Variants in STON2 observed in about 807,000 individuals in gnomAD.
The protein encoded by STON2 is stonin 2, also known as stonin-2.
A neutral mutation model predicts 65.7 loss-of-function variants in STON2; 29 were observed. That is an observed-to-expected ratio of 0.44 (90% CI 0.33 to 0.60). STON2 has a LOEUF of 0.60. Ranked by LOEUF, STON2 falls within the 20% of genes least tolerant of loss-of-function variation. STON2 has a pLI of 0.03. For synonymous variants in STON2, 404 were observed against 414.2 expected (o/e 0.98, Z 0.30); for missense variants, 1,054 against 1,118.1 (o/e 0.94, Z 0.82).
intron 3 of STON2, among the ~76,000 whole-genome samples, chr14:81,391,702 G>A (rs1397501092): frequency 4.6e-5 from 7 of 152,274 alleles, no homozygotes; most frequent in South Asian, 2.1e-4. Context: ...GCTGTGCACC[G>A]TCCCCTATGC....
At chr14:81,298,890 T>C (rs1895866787) in intron 5 of STON2, among the ~76,000 whole-genome samples, 1 of 152,246 alleles carries the variant, frequency 6.6e-6, no homozygotes, top group Non-Finnish European at 1.5e-5. Flanking sequence ...TAATTAATTA[T>C]ATAGAATTTT....
intron 3 of STON2, among the ~76,000 whole-genome samples, chr14:81,371,707 G>GA (rs1899007757): frequency 7.6e-6 from 1 of 131,750 alleles, no homozygotes; most frequent in African/African-American, 3.0e-5. Context: ...GAAAAGAAAA[G>GA]TAAGGTCCCA....
chr14:81,379,507 TAC>T (rs1899413283), intron 3 of STON2, among the ~76,000 whole-genome samples: 2 of 152,222 alleles, frequency 1.3e-5, no homozygotes, highest in Non-Finnish European at 1.5e-5. Context: ...TTTATAAATT[TAC>T]TTCAGTGTCA....
At chr14:81,352,618 T>G (rs895112229) in intron 4 of STON2, among the ~76,000 whole-genome samples, 1 of 152,202 alleles carries the variant, frequency 6.6e-6, no homozygotes, top group Non-Finnish European at 1.5e-5. Context: ...CAAGCCTGGA[T>G]GTCATTCTTA....
intron 5 of STON2, among the ~76,000 whole-genome samples, chr14:81,308,044 CTT>C (rs963517869): frequency 2.6e-5 from 4 of 152,068 alleles, no homozygotes; most frequent in Non-Finnish European, 1.5e-5. Flanking sequence ...GCTGTTATAT[CTT>C]TATCTTTTAT....
At chr14:81,311,285 A>G (rs1896416447) in intron 5 of STON2, among the ~76,000 whole-genome samples, 1 of 152,122 alleles carries the variant, frequency 6.6e-6, no homozygotes. Context: ...TTCCTGCCTA[A>G]TCATCTCTGC....
chr14:81,290,424 T>C (rs1895510080), intron 5 of STON2, among the ~76,000 whole-genome samples: 1 of 152,204 alleles, frequency 6.6e-6, no homozygotes, highest in African/African-American at 2.4e-5. Context: ...CTGAGATCTC[T>C]TGCATGTTAT....
intron 4 of STON2, among the ~76,000 whole-genome samples, chr14:81,340,363 T>G (rs1169153859): frequency 6.6e-6 from 1 of 152,148 alleles, no homozygotes; most frequent in Non-Finnish European, 1.5e-5. Flanking sequence ...AGTGGATACG[T>G]TCATTATCTT....
upstream of STON2, among the ~76,000 whole-genome samples, chr14:81,402,970 C>T (rs1900678826): frequency 1.3e-5 from 2 of 152,122 alleles, no homozygotes; most frequent in African/African-American, 4.8e-5. Flanking sequence ...GCATGCTATA[C>T]CCTCAGCATT....
At chr14:81,276,696 G>A (rs1894833629) in intron 6 of STON2, among the ~76,000 whole-genome samples, 1 of 152,206 alleles carries the variant, frequency 6.6e-6, no homozygotes, top group South Asian at 2.1e-4. Flanking sequence ...GTGTGATAAT[G>A]AGAGGGTGAA....
chr14:81,301,580 A>T (rs963302774), intron 5 of STON2, among the ~76,000 whole-genome samples: 1 of 152,218 alleles, frequency 6.6e-6, no homozygotes, highest in African/African-American at 2.4e-5. Context: ...CTGACATTTC[A>T]GTTGGGTGAT....
intron 3 of STON2, chr14:81,395,678 A>G: frequency 1.8e-6 from 1 of 561,992 alleles, no homozygotes; most frequent in East Asian, 2.9e-5. Flanking sequence ...AGGACTAGAA[A>G]TGTCCTAGAA....
At chr14:81,414,951 T>C (rs749269091) in intron 2 of STON2, among the ~76,000 whole-genome samples, 7 of 152,152 alleles carry the variant, frequency 4.6e-5, no homozygotes, top group Non-Finnish European at 8.8e-5. Flanking sequence ...GATCTGCCCA[T>C]GGTCGTCCAT....
chr14:81,330,130 G>A (rs893250272), intron 4 of STON2, among the ~76,000 whole-genome samples: 29 of 152,158 alleles, frequency 1.9e-4, no homozygotes, highest in African/African-American at 6.5e-4. Context: ...ACTCTCTGAC[G>A]TGGGATGCTC....
At chr14:81,408,525 TCTCTA>T (rs1900988433) in intron 2 of STON2, among the ~76,000 whole-genome samples, 1 of 152,212 alleles carries the variant, frequency 6.6e-6, no homozygotes, top group South Asian at 2.1e-4. Flanking sequence ...GTGGCTTCCT[TCTCTA>T]AAGTCATATT....
rs1266591595 is a variant in STON2 at position 81,270,453 on chromosome 14, CTCTT to C, written c.2784+213_2784+216del. The C allele has an allele frequency of 3.4e-6, 5 of 1,470,750 alleles. No individual in the cohort carries two copies. In the Admixed American group the frequency reaches 1.3e-4, roughly 39 times the overall value. 91.1% of individuals were successfully genotyped at this position (1,470,750 alleles called of 1,614,324 possible). On this transcript the variant is annotated intron_variant, in intron 7 of 7. Coordinates refer to ENST00000614646, the MANE Select transcript of STON2 (RefSeq NM_001394390.1). ...CATTATATTCTCCTCTTTGATGAGC[CTCTT>C]TATTTTTTTCCAACCTTTCTCTCAT...
Position 81,265,513 on chromosome 14 carries a change from T to G in STON2, c.*2901A>C. ...CTACTAAAAATACATAAATTAGTGGTGCATGGTGGCAGGCGCCTGTAATCC... is the reference window on the plus strand; with the variant it reads ...CTACTAAAAATACATAAATTAGTGGGGCATGGTGGCAGGCGCCTGTAATCC... On this transcript the variant is annotated 3_prime_UTR_variant, in exon 8 of 8. Coordinates refer to ENST00000614646, the MANE Select transcript of STON2 (RefSeq NM_001394390.1). 1 of 314,910 alleles carries G rather than the reference T, an allele frequency of 3.2e-6. No individual in the cohort carries two copies. Among genetic ancestry groups the G allele is most frequent in the Non-Finnish European group, 4.6e-6 (1 of 217,610 alleles). 19.5% of individuals were successfully genotyped at this position (314,910 alleles called of 1,614,324 possible). A position where few individuals can be genotyped will look rare whatever the true frequency, so the allele number is the denominator to read the frequency against.
chr14:81,386,849 G>A (rs1443436508), intron 3 of STON2, among the ~76,000 whole-genome samples: 1 of 152,062 alleles, frequency 6.6e-6, no homozygotes, highest in Non-Finnish European at 1.5e-5. Context: ...GCAGGCATTT[G>A]CAGACATGTT....
At chr14:81,315,275 C>T (rs764013638) in intron 5 of STON2, among the ~76,000 whole-genome samples, 5 of 152,196 alleles carry the variant, frequency 3.3e-5, no homozygotes, top group Admixed American at 1.3e-4. Context: ...AAAGATGCTA[C>T]CAACTACAGA....
Sources: allele counts gnomAD v4.1 joint callset (sites outside exome capture counted in the v4.1 genomes callset), GRCh38; gene constraint gnomAD v4.1.1; transcripts MANE v1.5; gene names NCBI Gene and HGNC (gene_info 2026-07-23, HGNC 2026-07-21).